Variants in SRRM4 observed in about 807,000 individuals in gnomAD.
SRRM4 encodes serine/arginine repetitive matrix protein 4.
A neutral mutation model predicts 68.9 loss-of-function variants in SRRM4; 33 were observed. The observed-to-expected ratio is 0.48, with a 90% CI of 0.36 to 0.64. The LOEUF (loss-of-function observed/expected upper bound fraction) is 0.64. SRRM4 is among the 30% of genes least tolerant of loss of function. The pLI is 0.00. For synonymous variants in SRRM4, 318 were observed against 318.8 expected, an observed-to-expected ratio of 1.00 and a Z score of 0.03; for missense variants, 817 against 827.1, an observed-to-expected ratio of 0.99 and a Z score of 0.15.
At chr12:119,139,449 G>A (rs1202438914) in intron 8 of SRRM4, among the ~76,000 whole-genome samples, 2 of 152,158 alleles carry the variant, frequency 1.3e-5, no homozygotes, top group African/African-American at 4.8e-5. Context: ...TAAACTATCT[G>A]AATATCTCTG....
chr12:119,046,010 C>G (rs550446470), intron 1 of SRRM4, among the ~76,000 whole-genome samples: 1 of 151,944 alleles, frequency 6.6e-6, no homozygotes, highest in African/African-American at 2.4e-5. Flanking sequence ...TGCGCTCCAG[C>G]CTGGCGACAG....
At chr12:119,091,619 G>A (rs1954014807) in intron 1 of SRRM4, among the ~76,000 whole-genome samples, 1 of 152,160 alleles carries the variant, frequency 6.6e-6, no homozygotes, top group African/African-American at 2.4e-5. Flanking sequence ...TTTCATTCTT[G>A]CAGCAACCTT....
At chr12:119,096,488 T>G (rs1467421166) in intron 1 of SRRM4, among the ~76,000 whole-genome samples, 1 of 152,344 alleles carries the variant, frequency 6.6e-6, no homozygotes, top group South Asian at 2.1e-4. Context: ...AAGTGCTTAG[T>G]TAGCTCAGTG....
intron 1 of SRRM4, among the ~76,000 whole-genome samples, chr12:118,983,174 G>A (rs1953261187): frequency 6.6e-6 from 1 of 152,232 alleles, no homozygotes; most frequent in African/African-American, 2.4e-5. Context: ...TGAGGTGGAA[G>A]ACGTATGGGA....
intron 1 of SRRM4, among the ~76,000 whole-genome samples, chr12:119,030,160 T>C (rs1174987370): frequency 2.6e-5 from 4 of 152,150 alleles, no homozygotes; most frequent in Non-Finnish European, 5.9e-5. Flanking sequence ...AGCACACATG[T>C]TTTCCTCAAA....
At chr12:119,048,779 G>T (rs553200929) in intron 1 of SRRM4, among the ~76,000 whole-genome samples, 2 of 152,248 alleles carry the variant, frequency 1.3e-5, no homozygotes, top group South Asian at 4.1e-4. Context: ...ACAAAAATTA[G>T]TCTGGCATGG....
At chr12:119,092,030 C>T (rs11609322) in intron 1 of SRRM4, among the ~76,000 whole-genome samples, 6,302 of 152,252 alleles carry the variant, frequency 0.041, 210 homozygotes, top group East Asian at 0.096. Flanking sequence ...GATGAATAAA[C>T]GCACAAACAA....
At position 119,154,136 on chromosome 12, in the gene SRRM4, C is replaced by T. The variant is rs1434745033; in HGVS notation, c.1392-107C>T. On this transcript the variant is annotated intron_variant, in intron 11 of 12. Transcript: ENST00000267260. The surrounding 1 kb of genome is among the most constrained non-coding windows in gnomAD (Gnocchi z 4.7). ...CTTGCGGCAACGTGCAGACCCCATCCCGTGACCCAGTGGGGTGGGAAAGAA... is the reference window on the plus strand; with the variant it reads ...CTTGCGGCAACGTGCAGACCCCATCTCGTGACCCAGTGGGGTGGGAAAGAA... 6 of 1,073,524 alleles carry T rather than the reference C, an allele frequency of 5.6e-6. No homozygotes were observed. The highest frequency in any genetic ancestry group is 1.6e-5 in the African/African-American group (1 of 63,412). The allele number at this position is 1,073,524 out of a possible 1,614,324, so 66.5% of individuals were successfully genotyped here. A position where few individuals can be genotyped will look rare whatever the true frequency, so the allele number is the denominator to read the frequency against.
chr12:119,125,795 C>A (rs1954255284), intron 7 of SRRM4, among the ~76,000 whole-genome samples: 2 of 151,832 alleles, frequency 1.3e-5, no homozygotes, highest in Admixed American at 1.3e-4. Context: ...GTGGTGGGCA[C>A]CTTTAATTCC....
intron 1 of SRRM4, among the ~76,000 whole-genome samples, chr12:118,985,328 T>A (rs1306063304): frequency 3.3e-5 from 5 of 152,222 alleles, no homozygotes; most frequent in African/African-American, 1.2e-4. Flanking sequence ...TTGATTGGTA[T>A]AACATTTCCA....
At chr12:119,060,955 G>C (rs1953807959) in intron 1 of SRRM4, among the ~76,000 whole-genome samples, 1 of 152,098 alleles carries the variant, frequency 6.6e-6, no homozygotes, top group African/African-American at 2.4e-5. Context: ...ACGATACCAC[G>C]TCCCTTCCCC....
At chr12:119,044,838 G>C (rs1221180140) in intron 1 of SRRM4, among the ~76,000 whole-genome samples, 1 of 152,152 alleles carries the variant, frequency 6.6e-6, no homozygotes, top group Non-Finnish European at 1.5e-5. Flanking sequence ...TTTCTCCTCA[G>C]CCAAAATTTG....
rs770084560 is a variant in SRRM4 at position 119,151,084 on chromosome 12, C to T, written c.1144C>T (p.Arg382Trp). Reference sequence around the variant, plus strand: ...GTCCAGTTTGGTCCCATCCACAGCCCGGAGCTCACCCATGAAAGGGTGTTC... The same window carrying T: ...GTCCAGTTTGGTCCCATCCACAGCCTGGAGCTCACCCATGAAAGGGTGTTC... Reference protein sequence around the residue: ...KKSSLVPSTARSSPMKGCSRS... With the variant: ...KKSSLVPSTAWSSPMKGCSRS... The change falls in exon 10 of 13, where the codon CGG becomes TGG. Residue 382 changes from arginine to tryptophan, a missense_variant. Arg to Trp is a moderately radical substitution (Grantham distance 101). Coordinates refer to ENST00000267260, the MANE Select transcript of SRRM4 (RefSeq NM_194286.4). 24 of 1,613,848 alleles carry T rather than the reference C, an allele frequency of 1.5e-5. No individual in the cohort carries two copies. Among genetic ancestry groups the T allele is most frequent in the Admixed American group, 8.3e-5 (5 of 60,000 alleles).
intron 8 of SRRM4, among the ~76,000 whole-genome samples, chr12:119,141,235 G>C (rs1397226211): frequency 6.6e-6 from 1 of 152,080 alleles, no homozygotes; most frequent in African/African-American, 2.4e-5. Context: ...GAGCCACCAT[G>C]CTCGGTCTTA....
intron 3 of SRRM4, among the ~76,000 whole-genome samples, chr12:119,115,960 G>A (rs1410607564): frequency 6.6e-6 from 1 of 152,028 alleles, no homozygotes; most frequent in African/African-American, 2.4e-5. Flanking sequence ...CTTTAGAAAA[G>A]GCAGGTGCTG....
chr12:119,054,826 G>C (rs969613559), intron 1 of SRRM4, among the ~76,000 whole-genome samples: 1 of 152,114 alleles, frequency 6.6e-6, no homozygotes, highest in Non-Finnish European at 1.5e-5. Flanking sequence ...CCAGAGGGCC[G>C]CACTTTTATC....
intron 1 of SRRM4, among the ~76,000 whole-genome samples, chr12:119,033,325 A>G (rs890794763): frequency 2.0e-5 from 3 of 152,130 alleles, no homozygotes; most frequent in Non-Finnish European, 4.4e-5. Flanking sequence ...AAAACCCTAG[A>G]GATTATGTTA....
At chr12:119,114,255 G>T in intron 2 of SRRM4, 23 bp from the exon 3 acceptor site, 1 of 1,601,806 alleles carries the variant, frequency 6.2e-7, no homozygotes, top group Non-Finnish European at 8.5e-7. Flanking sequence ...GTTATCTAAT[G>T]CTCCTCTCTT....
rs1954508311 is a variant in SRRM4, at chr12:119,160,766, AG to A, written c.*3971del. Reference sequence around the variant, plus strand: ...CAGAGGGAGCTTCACTGAGACTCAGAGGGAAAAGGAAAAGAGCCTCAAACAT... The same window carrying A: ...CAGAGGGAGCTTCACTGAGACTCAGAGGAAAAGGAAAAGAGCCTCAAACAT... On this transcript the variant is annotated 3_prime_UTR_variant, in exon 13 of 13. Coordinates refer to ENST00000267260, the MANE Select transcript of SRRM4 (RefSeq NM_194286.4). 6.6e-6 allele frequency: 1 copy of A among 152,228 alleles called. No individual in the cohort carries two copies. The highest frequency in any genetic ancestry group is 1.5e-5 in the Non-Finnish European group (1 of 68,050). 9.4% of individuals were successfully genotyped at this position (152,228 alleles called of 1,614,324 possible).
Sources: gnomAD v4.1 joint callset for allele counts (sites outside exome capture counted in the v4.1 genomes callset) on GRCh38, gnomAD v4.1.1 for gene constraint, Gnocchi (gnomAD v3.1) non-coding constraint, MANE v1.5 for transcripts, NCBI Gene and HGNC (gene_info 2026-07-23, HGNC 2026-07-21) for gene names.